Variants in MCPH1 observed in about 807,000 individuals in gnomAD.
MCPH1 encodes microcephalin.
A neutral mutation model predicts 84.5 loss-of-function variants in MCPH1; 104 were observed. The ratio of observed to expected loss-of-function variants is 1.23; its 90% confidence interval spans 1.05 to 1.45. The LOEUF (loss-of-function observed/expected upper bound fraction) is 1.45. Ranked by LOEUF, MCPH1 falls within the 40% of genes most tolerant of loss-of-function variation. The pLI is 0.00. For missense variants in MCPH1, 1,498 were observed against 1,005.7 expected (o/e 1.49, Z -6.62); for synonymous variants, 514 against 366.8 (o/e 1.40, Z -4.58).
At chr8:6,541,584 TCTGCAGACTTCTGC>T (rs2129573915) in intron 12 of MCPH1, among the ~76,000 whole-genome samples, 1 of 152,364 alleles carries the variant, frequency 6.6e-6, no homozygotes, top group Admixed American at 6.5e-5. Context: ...TCTGAGTTAT[TCTGCAGACTTCTGC>T]CATTCGTCTA....
At chr8:6,565,950 C>T (rs1357277273) in intron 12 of MCPH1, among the ~76,000 whole-genome samples, 1 of 152,152 alleles carries the variant, frequency 6.6e-6, no homozygotes, top group Non-Finnish European at 1.5e-5. Flanking sequence ...ACCAGAGAGT[C>T]AGGGGAAGCT....
intron 9 of MCPH1, among the ~76,000 whole-genome samples, chr8:6,472,140 CT>C (rs1807802637): frequency 6.6e-6 from 1 of 152,114 alleles, no homozygotes; most frequent in Non-Finnish European, 1.5e-5. Context: ...AGAACATAAT[CT>C]TTACAGAAAA....
At chr8:6,618,699 A>T (rs895915005) in intron 12 of MCPH1, 3 of 152,308 alleles carry the variant, frequency 2.0e-5, no homozygotes, top group African/African-American at 2.4e-5. Context: ...AAATAGGTGG[A>T]TTATTTAAAA....
At chr8:6,618,938 C>T (rs1831128713) in intron 12 of MCPH1, 1 of 152,116 alleles carries the variant, frequency 6.6e-6, no homozygotes, top group Non-Finnish European at 1.5e-5. Flanking sequence ...GTGATCCAGG[C>T]GTCACATTAG....
Position 6,406,641 on chromosome 8 carries a change from C to T in MCPH1, c.-27C>T. ...GCCAGGCTCGCAAGCACCGCGTAGG[C>T]CAGCTGGCCGGATCCCGCCGTCTGT... is the stretch of plus-strand genomic sequence containing the variant. On this transcript the variant is annotated 5_prime_UTR_variant, in exon 1 of 14. Coordinates refer to ENST00000344683, the MANE Select transcript of MCPH1 (RefSeq NM_024596.5). 6.2e-7 allele frequency: 1 copy of T among 1,610,926 alleles called. No homozygotes were observed. Among genetic ancestry groups the T allele is most frequent in the South Asian group, 1.1e-5 (1 of 90,676 alleles).
At chr8:6,619,584 C>T (rs945525441) in intron 12 of MCPH1, among the ~76,000 whole-genome samples, 8 of 151,978 alleles carry the variant, frequency 5.3e-5, no homozygotes, top group African/African-American at 1.9e-4. Flanking sequence ...AGCCACTGCG[C>T]CCAGCCTTTT....
chr8:6,610,838 A>AG (rs1257940855), intron 12 of MCPH1, among the ~76,000 whole-genome samples: 2 of 150,682 alleles, frequency 1.3e-5, no homozygotes, highest in East Asian at 3.9e-4. Flanking sequence ...TTTTTCTTCC[A>AG]GAAAAAAAAA....
At chr8:6,451,425 A>T (rs536486603) in intron 8 of MCPH1, among the ~76,000 whole-genome samples, 1 of 152,378 alleles carries the variant, frequency 6.6e-6, no homozygotes, top group Non-Finnish European at 1.5e-5. Context: ...GGGAAGGTAC[A>T]GTCAAGATAC....
chr8:6,506,838 A>T (rs1813823135), intron 12 of MCPH1, among the ~76,000 whole-genome samples: 1 of 152,040 alleles, frequency 6.6e-6, no homozygotes, highest in African/African-American at 2.4e-5. Flanking sequence ...AAATTTAAAG[A>T]CATGAAAATT....
chr8:6,639,030 G>C (rs1045394693), intron 13 of MCPH1, among the ~76,000 whole-genome samples: 1 of 152,198 alleles, frequency 6.6e-6, no homozygotes, highest in Non-Finnish European at 1.5e-5. Context: ...AGAGGTGTAA[G>C]GTACAGACTT....
chr8:6,631,189 C>T (rs2912064), intron 13 of MCPH1, among the ~76,000 whole-genome samples: 58,039 of 152,076 alleles, frequency 0.38, 11,102 homozygotes, highest in East Asian at 0.48. Context: ...CAGACATGAT[C>T]TGTTCTAGTC....
chr8:6,587,807 G>T (rs1828116032), intron 12 of MCPH1, among the ~76,000 whole-genome samples: 1 of 152,202 alleles, frequency 6.6e-6, no homozygotes, highest in Non-Finnish European at 1.5e-5. Flanking sequence ...TAAGTTAAAG[G>T]ATGGTAAATT....
chr8:6,626,000 G>T, intron 13 of MCPH1: 1 of 985,242 alleles, frequency 1.0e-6, no homozygotes, highest in Non-Finnish European at 1.2e-6. Context: ...GTACTGAAAC[G>T]ACAGCTCTTC....
At chr8:6,424,452 G>A (rs1027566938) in intron 3 of MCPH1, among the ~76,000 whole-genome samples, 1 of 152,106 alleles carries the variant, frequency 6.6e-6, no homozygotes, top group Non-Finnish European at 1.5e-5. Context: ...GCTTACCACG[G>A]CTCCTTTCCT....
At chr8:6,569,425 C>G (rs1826479963) in intron 12 of MCPH1, among the ~76,000 whole-genome samples, 1 of 152,186 alleles carries the variant, frequency 6.6e-6, no homozygotes. Context: ...CCCAGTGCTG[C>G]TCATCATGTT....
rs1250072106 is a variant in MCPH1 at position 6,445,002 on chromosome 8, A to T, written c.1280A>T (p.Glu427Val). The change falls in exon 8 of 14, where the codon GAG (glutamate) becomes GTG (valine). Residue 427 changes from glutamate to valine, a missense_variant. Coordinates refer to ENST00000344683, the MANE Select transcript of MCPH1 (RefSeq NM_024596.5). ...GATAATCTTAAGGAAAGGTATTCAG[A>T]GAATCTTCCTCCTGAATCTCAGCTG... ...SPDNLKERYS[E>V]NLPPESQLPS... The T allele has an allele frequency of 3.7e-6, 6 of 1,614,100 alleles. No individual in the cohort carries two copies. The highest frequency in any genetic ancestry group is 4.2e-6 in the Non-Finnish European group (5 of 1,180,040).
At chr8:6,485,240 G>T (rs760572837) in intron 11 of MCPH1, among the ~76,000 whole-genome samples, 4 of 151,952 alleles carry the variant, frequency 2.6e-5, no homozygotes, top group African/African-American at 9.7e-5. Flanking sequence ...CAGGAGAATC[G>T]CTTGAACTTG....
intron 12 of MCPH1, among the ~76,000 whole-genome samples, chr8:6,559,252 C>G (rs1825146255): frequency 6.6e-6 from 1 of 151,878 alleles, no homozygotes; most frequent in African/African-American, 2.4e-5. Flanking sequence ...CACACACACA[C>G]ACACACACAG....
At chr8:6,515,978 T>C (rs2009235) in intron 12 of MCPH1, among the ~76,000 whole-genome samples, 41,688 of 152,042 alleles carry the variant, frequency 0.27, 6,568 homozygotes, top group East Asian at 0.7. Flanking sequence ...TCATTGCCAG[T>C]GCAACCAGAG....
Sources: allele counts gnomAD v4.1 joint callset (sites outside exome capture counted in the v4.1 genomes callset), GRCh38; gene constraint gnomAD v4.1.1; transcripts MANE v1.5; gene names NCBI Gene and HGNC (gene_info 2026-07-23, HGNC 2026-07-21).